AGBL4: variants seen among roughly 807,000 people sequenced by gnomAD.
AGBL4 encodes the protein cytosolic carboxypeptidase 6.
AGBL4 carries 58 observed loss-of-function variants against 66.4 expected under a neutral mutation model. The ratio of observed to expected loss-of-function variants is 0.87; its 90% CI spans 0.71 to 1.09. AGBL4 has a LOEUF of 1.09. AGBL4 is among the 50% of genes least tolerant of loss of function. The pLI, the probability that AGBL4 is intolerant of heterozygous loss-of-function variation, is 0.00. For synonymous variants in AGBL4, 234 were observed against 222.9 expected, an observed-to-expected ratio of 1.05 and a Z score of -0.44; for missense variants, 579 against 631.0, an observed-to-expected ratio of 0.92 and a Z score of 0.88.
chr1:49,843,323 G>GTGT (rs569340445), intron 2 of AGBL4, among the ~76,000 whole-genome samples: 6 of 134,508 alleles, frequency 4.5e-5, no homozygotes, highest in African/African-American at 1.7e-4. Context: ...TGTGTGTGTG[G>GTGT]AGATGGGGAC....
Position 49,459,025 on chromosome 1 carries a change from C to G in AGBL4, c.283-213161G>C, listed in dbSNP as rs1230338198. ...GGGATATTGGCTCCTTCCTTCCTTC[C>G]TTCCTCTTTTCTTTCTTTCTCTTTC... On this transcript the variant is annotated intron_variant, in intron 3 of 13. Coordinates refer to ENST00000371839, the MANE Select transcript of AGBL4 (RefSeq NM_032785.4). Among the ~76,000 whole-genome samples the G allele has an allele frequency of 5.3e-5, 8 of 150,176 alleles. No homozygotes were observed. In the South Asian group the frequency reaches 1.7e-3, roughly 31 times the overall value.
intron 6 of AGBL4, among the ~76,000 whole-genome samples, chr1:48,769,571 A>AC (rs1491337703): frequency 2.0e-4 from 25 of 123,188 alleles, no homozygotes; most frequent in East Asian, 5.6e-4. Flanking sequence ...ACACACACAC[A>AC]AGTTAAATTT....
intron 3 of AGBL4, among the ~76,000 whole-genome samples, chr1:49,317,350 C>T (rs1243898806): frequency 2.0e-5 from 3 of 151,672 alleles, no homozygotes; most frequent in East Asian, 1.9e-4. Flanking sequence ...CTGTCGAATG[C>T]GAATATTTTG....
At chr1:49,176,565 C>A (rs1270726989) in intron 4 of AGBL4, among the ~76,000 whole-genome samples, 1 of 152,092 alleles carries the variant, frequency 6.6e-6, no homozygotes, top group African/African-American at 2.4e-5. Context: ...TGGAAGCAAT[C>A]CTGAAGTAAT....
intron 2 of AGBL4, among the ~76,000 whole-genome samples, chr1:49,791,258 TAGCTAAGA>T (rs1283905085): frequency 6.6e-6 from 1 of 152,084 alleles, no homozygotes; most frequent in Non-Finnish European, 1.5e-5. Flanking sequence ...AATAGAGGTA[TAGCTAAGA>T]AGCCAATATA....
chr1:49,301,319 G>T (rs1019175184), intron 3 of AGBL4, among the ~76,000 whole-genome samples: 4 of 152,208 alleles, frequency 2.6e-5, no homozygotes, highest in African/African-American at 9.7e-5. Flanking sequence ...AACAGTGAGA[G>T]AAATTTAACA....
At chr1:48,719,483 G>C (rs1481757130) in intron 6 of AGBL4, among the ~76,000 whole-genome samples, 2 of 152,288 alleles carry the variant, frequency 1.3e-5, no homozygotes. Flanking sequence ...TCTGATGCCA[G>C]CATCATTTTT....
chr1:48,625,641 G>A (rs1645491743), intron 9 of AGBL4, among the ~76,000 whole-genome samples: 2 of 152,102 alleles, frequency 1.3e-5, no homozygotes, highest in African/African-American at 2.4e-5. Flanking sequence ...TTACAAACAG[G>A]GGAACTGAGG....
intron 2 of AGBL4, among the ~76,000 whole-genome samples, chr1:49,840,367 A>T (rs1393094583): frequency 1.3e-5 from 2 of 151,938 alleles, no homozygotes; most frequent in African/African-American, 4.8e-5. Flanking sequence ...TTCTTTGTTT[A>T]TCTAGCTAGC....
intron 1 of AGBL4, among the ~76,000 whole-genome samples, chr1:49,867,822 CAA>C (rs1427074105): frequency 6.6e-6 from 1 of 152,028 alleles, no homozygotes; most frequent in Non-Finnish European, 1.5e-5. Context: ...AATAAGTCTG[CAA>C]AATAACCAAC....
intron 11 of AGBL4, among the ~76,000 whole-genome samples, chr1:48,540,769 T>C (rs1361434518): frequency 6.6e-6 from 1 of 152,138 alleles, no homozygotes; most frequent in African/African-American, 2.4e-5. Context: ...ACACCTCCCA[T>C]ATCTTGAATG....
chr1:48,971,517 G>A (rs1658902639), intron 5 of AGBL4, among the ~76,000 whole-genome samples: 1 of 152,088 alleles, frequency 6.6e-6, no homozygotes, highest in Admixed American at 6.5e-5. Context: ...TCAATAATAT[G>A]GACGGTTGAC....
At chr1:48,630,982 C>A (rs1645583763) in intron 9 of AGBL4, among the ~76,000 whole-genome samples, 1 of 152,152 alleles carries the variant, frequency 6.6e-6, no homozygotes, top group South Asian at 2.1e-4. Context: ...ATAAATGCAC[C>A]TAGAATAACT....
At chr1:49,364,785 G>A (rs886651116) in intron 3 of AGBL4, among the ~76,000 whole-genome samples, 8 of 152,120 alleles carry the variant, frequency 5.3e-5, no homozygotes, top group Non-Finnish European at 1.2e-4. Flanking sequence ...GCCCATGTGC[G>A]TACTTTTACT....
chr1:49,474,215 G>C (rs759065398), intron 3 of AGBL4, among the ~76,000 whole-genome samples: 2 of 152,076 alleles, frequency 1.3e-5, no homozygotes, highest in South Asian at 2.1e-4. Context: ...AGATTGCTTT[G>C]GGCAGTATGA....
At chr1:49,815,265 C>T (rs946502358) in intron 2 of AGBL4, among the ~76,000 whole-genome samples, 29 of 152,176 alleles carry the variant, frequency 1.9e-4, no homozygotes, top group African/African-American at 6.3e-4. Flanking sequence ...TAACCGAGTA[C>T]ATGAGACGTT....
chr1:49,296,981 T>C (rs768594513), intron 3 of AGBL4, among the ~76,000 whole-genome samples: 112 of 152,352 alleles, frequency 7.4e-4, no homozygotes, highest in Admixed American at 3.3e-3. Context: ...TATCTTACTG[T>C]AAGTATCTTG....
At chr1:49,776,662 C>G (rs749658438) in intron 2 of AGBL4, among the ~76,000 whole-genome samples, 24 of 152,124 alleles carry the variant, frequency 1.6e-4, no homozygotes, top group Non-Finnish European at 3.4e-4. Flanking sequence ...TTTCAAACTT[C>G]ATTTTAAATG....
chr1:49,157,849 CAT>C (rs1399595641), intron 4 of AGBL4, among the ~76,000 whole-genome samples: 1 of 152,070 alleles, frequency 6.6e-6, no homozygotes, highest in Non-Finnish European at 1.5e-5. Flanking sequence ...AGCTTTTTTT[CAT>C]ATATTTCTTA....
Sources: allele counts gnomAD v4.1 joint callset (sites outside exome capture counted in the v4.1 genomes callset), GRCh38; gene constraint gnomAD v4.1.1; transcripts MANE v1.5; gene names NCBI Gene and HGNC (gene_info 2026-07-23, HGNC 2026-07-21).